TRAT1: variants seen among roughly 807,000 people sequenced by gnomAD.
TRAT1 encodes T cell receptor associated transmembrane adaptor 1.
In TRAT1, 20 loss-of-function variants were observed where a neutral mutation model predicts 20.0. The ratio of observed to expected loss-of-function variants is 1.00; its 90% CI spans 0.70 to 1.45. The LOEUF (loss-of-function observed/expected upper bound fraction) is 1.45, where lower values mean the gene tolerates loss of function less well. Among genes scored for constraint, TRAT1 ranks in the 40% most tolerant of loss-of-function variants. The pLI is 0.00. For synonymous variants in TRAT1, 77 were observed against 74.2 expected (o/e 1.04, Z -0.20); for missense variants, 237 against 224.1 (o/e 1.06, Z -0.37).
At chr3:108,851,642 AC>A (rs948065581) in intron 5 of TRAT1, among the ~76,000 whole-genome samples, 9 of 150,438 alleles carry the variant, frequency 6.0e-5, no homozygotes, top group Non-Finnish European at 1.2e-4. Context: ...AAAAAAAAAA[AC>A]ACCTTACTTG....
chr3:108,841,828 G>A (rs1945899231), intron 3 of TRAT1, among the ~76,000 whole-genome samples: 1 of 152,038 alleles, frequency 6.6e-6, no homozygotes, highest in African/African-American at 2.4e-5. Context: ...CATAATTCTT[G>A]CCTTTTGGTT....
intron 2 of TRAT1, among the ~76,000 whole-genome samples, chr3:108,832,505 A>G (rs1945803244): frequency 6.6e-6 from 1 of 152,222 alleles, no homozygotes; most frequent in African/African-American, 2.4e-5. Context: ...AGCTCAGAGT[A>G]GCACTTTGCT....
At chr3:108,828,508 C>T (rs555744945) in intron 1 of TRAT1, among the ~76,000 whole-genome samples, 10 of 152,212 alleles carry the variant, frequency 6.6e-5, no homozygotes, top group African/African-American at 2.2e-4. Context: ...TGATTAAGTA[C>T]AATATTCACA....
chr3:108,834,954 T>G (rs528747557), intron 2 of TRAT1, among the ~76,000 whole-genome samples: 1 of 152,344 alleles, frequency 6.6e-6, no homozygotes, highest in South Asian at 2.1e-4. Context: ...GAGGATTATA[T>G]TTATTTCTTT....
intron 3 of TRAT1, among the ~76,000 whole-genome samples, chr3:108,841,911 T>C (rs1945899812): frequency 6.6e-6 from 1 of 152,216 alleles, no homozygotes; most frequent in African/African-American, 2.4e-5. Flanking sequence ...TAAACAGACT[T>C]GCAATTAGTG....
chr3:108,835,982 C>T (rs1437354507), intron 2 of TRAT1, among the ~76,000 whole-genome samples: 4 of 152,110 alleles, frequency 2.6e-5, no homozygotes, highest in African/African-American at 4.8e-5. Flanking sequence ...TGCAGTGGCA[C>T]GATCTCAGCT....
In TRAT1 at chr3:108,853,687, C is replaced by T; in HGVS notation, c.371C>T (p.Pro124Leu). The part of the protein sequence containing the change: ...DHSVKGKRRK[P>L]RKQNTHFSDK... ...AGCGTTAAGGGGAAGCGTAGAAAGC[C>T]CAGGAAACAGAATACTCATTTCTCA... The change falls in exon 6 of 6, where the codon CCC (proline) becomes CTC (leucine). Residue 124 changes from proline to leucine, a missense_variant. Physicochemically the swap from Pro to Leu is moderately conservative, Grantham distance 98 (BLOSUM62 -3). Coordinates refer to ENST00000295756, the MANE Select transcript of TRAT1 (RefSeq NM_016388.4). The T allele has an allele frequency of 6.2e-7, 1 of 1,614,074 alleles. No individual in the cohort carries two copies. Among genetic ancestry groups the T allele is most frequent in the Non-Finnish European group, 8.5e-7 (1 of 1,179,986 alleles).
At chr3:108,824,715 C>T (rs2107504658) in intron 1 of TRAT1, among the ~76,000 whole-genome samples, 1 of 152,214 alleles carries the variant, frequency 6.6e-6, no homozygotes, top group African/African-American at 2.4e-5. Context: ...ATTTTCATAC[C>T]TCTCCTTATC....
chr3:108,827,121 G>A (rs552156411), intron 1 of TRAT1, among the ~76,000 whole-genome samples: 2 of 152,136 alleles, frequency 1.3e-5, no homozygotes, highest in South Asian at 4.2e-4. Context: ...CGAGTTCTTC[G>A]GCTTTTTAAC....
chr3:108,825,202 A>G (rs934408903), intron 1 of TRAT1, among the ~76,000 whole-genome samples: 2 of 152,202 alleles, frequency 1.3e-5, no homozygotes, highest in Non-Finnish European at 2.9e-5. Context: ...TTTCTAGTTA[A>G]GTAAAACTAC....
Position 108,853,716 on chromosome 3 carries a change from A to G in TRAT1, c.400A>G (p.Lys134Glu), listed in dbSNP as rs545230699. Residue 134 changes from lysine (K) to glutamate (E), a missense_variant, in exon 6 of 6, where the codon AAG becomes GAG. Transcript: ENST00000295756. ...GAAACAGAATACTCATTTCTCAGAC[A>G]AGGATGGAGATGAGCAACTACATGC... ...PRKQNTHFSD[K>E]DGDEQLHAID... 1 of 1,614,176 alleles carries G rather than the reference A, an allele frequency of 6.2e-7. No homozygotes were observed. The highest frequency in any genetic ancestry group is 1.3e-5 in the African/African-American group (1 of 75,066).
intron 2 of TRAT1, among the ~76,000 whole-genome samples, chr3:108,831,341 A>G (rs1945791070): frequency 6.6e-6 from 1 of 152,194 alleles, no homozygotes; most frequent in African/African-American, 2.4e-5. Context: ...CATGCTGGGC[A>G]TAAGTTTTAA....
In TRAT1 at chr3:108,853,851, C is replaced by A. The variant is rs183150826; in HGVS notation, c.535C>A (p.Arg179Ser). Reference protein sequence around the residue: ...DDPIRLFGLIRAKREPIN With the variant: ...DDPIRLFGLISAKREPIN Reference sequence around the variant, plus strand: ...TCCCATCAGACTGTTTGGATTGATCCGTGCTAAGAGAGAACCTATAAACTA... The same window carrying A: ...TCCCATCAGACTGTTTGGATTGATCAGTGCTAAGAGAGAACCTATAAACTA... The change falls in exon 6 of 6, where the codon CGT (arginine) becomes AGT (serine). Residue 179 changes from arginine to serine, a missense_variant. Transcript: ENST00000295756. The A allele has an allele frequency of 5.3e-5, 86 of 1,613,964 alleles. No homozygotes were observed. The highest frequency in any genetic ancestry group is 1.7e-4 in the Admixed American group (10 of 60,010).
rs1946031640 is a variant in TRAT1 at position 108,854,995 on chromosome 3, C to T, written c.*1118C>T. On this transcript the variant is annotated 3_prime_UTR_variant, in exon 6 of 6. Transcript: ENST00000295756. ...TGGTTCTAATTTGATTATAATATGCCAAGGTATGGTTATTTTTCAAGTGTC... is the reference window on the plus strand; with the variant it reads ...TGGTTCTAATTTGATTATAATATGCTAAGGTATGGTTATTTTTCAAGTGTC... 6.6e-6 allele frequency: 1 copy of T among 151,858 alleles called. No individual in the cohort carries two copies. The highest frequency in any genetic ancestry group is 2.1e-4 in the South Asian group (1 of 4,822). The allele number at this position is 151,858 out of a possible 1,614,324, so 9.4% of individuals were successfully genotyped here.
At chr3:108,838,458 GA>G (rs1945860886) in intron 2 of TRAT1, among the ~76,000 whole-genome samples, 1 of 152,012 alleles carries the variant, frequency 6.6e-6, no homozygotes, top group African/African-American at 2.4e-5. Context: ...TGGTAACAAA[GA>G]AAAGCCTATT....
At chr3:108,832,299 T>C (rs1945801826) in intron 2 of TRAT1, among the ~76,000 whole-genome samples, 1 of 152,222 alleles carries the variant, frequency 6.6e-6, no homozygotes, top group African/African-American at 2.4e-5. Context: ...CCCAACACTC[T>C]TTTTGGATCT....
rs922026714 is a variant in TRAT1 at position 108,853,413 on chromosome 3, C to G, written c.304-207C>G. Among the ~76,000 whole-genome samples the G allele has an allele frequency of 5.9e-5, 9 of 152,282 alleles. No homozygotes were observed. The East Asian group carries it at 7.7e-4, about 13-fold the overall frequency. ...ATAAAAATCTAGGAAAAAGTTTCAT[C>G]TAAGCACTTTTTCAACTCAAGAGTG... On this transcript the variant is annotated intron_variant, in intron 5 of 5. Coordinates refer to ENST00000295756, the MANE Select transcript of TRAT1 (RefSeq NM_016388.4).
At chr3:108,836,186 G>C (rs2107509983) in intron 2 of TRAT1, among the ~76,000 whole-genome samples, 1 of 152,222 alleles carries the variant, frequency 6.6e-6, no homozygotes, top group South Asian at 2.1e-4. Context: ...CCAAAGTGCT[G>C]GGATTACAGG....
At chr3:108,825,946 G>A (rs1945734065) in intron 1 of TRAT1, among the ~76,000 whole-genome samples, 1 of 152,098 alleles carries the variant, frequency 6.6e-6, no homozygotes, top group Non-Finnish European at 1.5e-5. Context: ...TAAATACAGA[G>A]AAAGACAAGT....
Sources: allele counts gnomAD v4.1 joint callset (sites outside exome capture counted in the v4.1 genomes callset), GRCh38; gene constraint gnomAD v4.1.1; transcripts MANE v1.5; gene names NCBI Gene and HGNC (gene_info 2026-07-23, HGNC 2026-07-21).